WDR27: variants seen among roughly 807,000 people sequenced by gnomAD.
WDR27 encodes WD repeat-containing protein 27.
A neutral mutation model predicts 114.4 loss-of-function variants in WDR27; 100 were observed. That is an observed-to-expected ratio of 0.87 (90% CI 0.74 to 1.03). WDR27 has a LOEUF of 1.03. Among genes scored for constraint, WDR27 ranks in the 50% least tolerant of loss-of-function variants. WDR27 has a pLI of 0.00. For missense variants in WDR27, 1,129 were observed against 1,092.9 expected (o/e 1.03, Z -0.47); for synonymous variants, 449 against 423.1 (o/e 1.06, Z -0.75).
downstream of WDR27, among the ~76,000 whole-genome samples, chr6:169,455,707 G>A (rs1421379986): frequency 6.6e-6 from 1 of 152,154 alleles, no homozygotes; most frequent in South Asian, 2.1e-4. Context: ...CATGCCCCCT[G>A]GCTTTGTTCT....
intron 1 of WDR27, among the ~76,000 whole-genome samples, chr6:169,689,689 CAT>C (rs1263561456): frequency 2.0e-5 from 3 of 152,264 alleles, no homozygotes; most frequent in Non-Finnish European, 4.4e-5. Flanking sequence ...ACTTCAGAAA[CAT>C]GTGGGAATGG....
chr6:169,467,468 G>A (rs1238477894), intron 25 of WDR27, among the ~76,000 whole-genome samples: 2 of 152,222 alleles, frequency 1.3e-5, no homozygotes, highest in African/African-American at 2.4e-5. Context: ...AAATAAAGGT[G>A]GAGGCTCCCA....
chr6:169,427,412 G>A, the WDR27 span, among the ~76,000 whole-genome samples: 1 of 150,640 alleles, frequency 6.6e-6, no homozygotes, highest in Non-Finnish European at 1.5e-5. Flanking sequence ...CATCTAAAAA[G>A]TTTCTGACTC....
the WDR27 span, among the ~76,000 whole-genome samples, chr6:169,443,170 TC>T: frequency 1.3e-5 from 2 of 152,198 alleles, no homozygotes; most frequent in Non-Finnish European, 2.9e-5. Context: ...AGATCTGGCC[TC>T]CATGTCCTCT....
chr6:169,641,333 AT>A (rs145573191), intron 17 of WDR27, among the ~76,000 whole-genome samples: 20,034 of 152,096 alleles, frequency 0.13, 1,475 homozygotes, highest in African/African-American at 0.18. Flanking sequence ...TCGGGAGCCA[AT>A]CCCCACGAAG....
chr6:169,599,641 T>C (rs9371151), intron 23 of WDR27, among the ~76,000 whole-genome samples: 13,536 of 152,196 alleles, frequency 0.089, 1,694 homozygotes, highest in East Asian at 0.58. Flanking sequence ...TCTATTTGAT[T>C]CTTCTCTCTT....
chr6:169,698,366 G>A (rs1786827996), intron 1 of WDR27, among the ~76,000 whole-genome samples: 1 of 152,042 alleles, frequency 6.6e-6, no homozygotes, highest in Admixed American at 6.5e-5. Flanking sequence ...CAGGGATGAG[G>A]GAGGGTCTGG....
chr6:169,573,055 C>A (rs1000398369), intron 24 of WDR27, among the ~76,000 whole-genome samples: 1 of 152,160 alleles, frequency 6.6e-6, no homozygotes, highest in African/African-American at 2.4e-5. Flanking sequence ...TCCCTCCGCA[C>A]TCCTGCTTTC....
At chr6:169,549,571 T>C (rs1401405290) in intron 25 of WDR27, among the ~76,000 whole-genome samples, 2 of 152,248 alleles carry the variant, frequency 1.3e-5, no homozygotes, top group Non-Finnish European at 2.9e-5. Flanking sequence ...AAATTGCACA[T>C]GGATGTTTAC....
intron 13 of WDR27, chr6:169,657,742 C>G (rs1184165025): frequency 6.5e-6 from 1 of 154,064 alleles, no homozygotes; most frequent in Non-Finnish European, 1.4e-5. Flanking sequence ...CTGCTCAGAA[C>G]AAACCAATAG....
In WDR27 at chr6:169,498,850, GAAC is replaced by G. The variant is rs551083979; in HGVS notation, c.2646-41219_2646-41217del. Among the ~76,000 whole-genome samples, 409 of 152,280 alleles carry G rather than the reference GAAC, an allele frequency of 2.7e-3. 1 individual carries two copies. Among genetic ancestry groups the G allele is most frequent in the African/African-American group, 9.4e-3 (392 of 41,548 alleles). On this transcript the variant is annotated intron_variant, in intron 25 of 25. Transcript: ENST00000448612. The stretch of plus-strand genomic sequence containing the variant: ...GTGGGGGAGCGTGCGTGGTTTAAAA[GAAC>G]AACAGGAGGGACCTGTGTGAGGATT...
At chr6:169,491,558 C>T (rs1789763223) in intron 25 of WDR27, among the ~76,000 whole-genome samples, 1 of 151,696 alleles carries the variant, frequency 6.6e-6, no homozygotes, top group African/African-American at 2.4e-5. Flanking sequence ...CAAAACAAAA[C>T]AAAATTCTCC....
intron 6 of WDR27, 54 bp from the exon 7 acceptor site, chr6:169,665,610 ACCCGAGAACT>A: frequency 6.6e-7 from 1 of 1,517,936 alleles, no homozygotes; most frequent in Admixed American, 1.8e-5. Context: ...GTACCAATTA[ACCCGAGAACT>A]GTCAGTTTTA....
chr6:169,546,283 G>A (rs573177323), intron 25 of WDR27, among the ~76,000 whole-genome samples: 1 of 152,200 alleles, frequency 6.6e-6, no homozygotes, highest in Non-Finnish European at 1.5e-5. Context: ...ATTTGCCCCA[G>A]AGGAAAGACA....
chr6:169,661,457 G>A (rs1358603427), intron 9 of WDR27, among the ~76,000 whole-genome samples: 1 of 152,188 alleles, frequency 6.6e-6, no homozygotes, highest in African/African-American at 2.4e-5. Context: ...CCCCCAGCTG[G>A]AACCTGCTTT....
At chr6:169,441,745 TTTTC>T in the WDR27 span, among the ~76,000 whole-genome samples, 2 of 152,204 alleles carry the variant, frequency 1.3e-5, no homozygotes, top group Non-Finnish European at 2.9e-5. Flanking sequence ...TGCATAACAT[TTTTC>T]TTTCTAAGAA....
intron 25 of WDR27, among the ~76,000 whole-genome samples, chr6:169,493,153 G>T (rs1017489858): frequency 6.6e-6 from 1 of 151,924 alleles, no homozygotes; most frequent in Admixed American, 6.6e-5. Flanking sequence ...AATAAATTCA[G>T]CCAGAAAGAT....
chr6:169,529,449 T>G lies in WDR27; in HGVS notation c.2645+42970A>C, dbSNP rs756463727. Among the ~76,000 whole-genome samples, 109 of 152,276 alleles carry G rather than the reference T, an allele frequency of 7.2e-4. 1 individual carries two copies. The highest frequency in any genetic ancestry group is 2.5e-4 in the Non-Finnish European group (17 of 68,014). The stretch of plus-strand genomic sequence containing the variant: ...AAAGTAAGAAAACGTTTAGAAATAA[T>G]ATTTCTGAAGTTAAAAAATAATTAC... On this transcript the variant is annotated intron_variant, in intron 25 of 25. Transcript: ENST00000448612.
intron 23 of WDR27, among the ~76,000 whole-genome samples, chr6:169,597,160 C>A (rs1014449): frequency 0.97 from 147,247 of 152,234 alleles, 71,244 homozygotes; most frequent in African/African-American, 0.99. Context: ...TCTTAATTTC[C>A]AATGATATAT....
Sources: allele counts gnomAD v4.1 joint callset (sites outside exome capture counted in the v4.1 genomes callset), GRCh38; gene constraint gnomAD v4.1.1; transcripts MANE v1.5; gene names NCBI Gene and HGNC (gene_info 2026-07-23, HGNC 2026-07-21).